HOMER1: variants seen among roughly 807,000 people sequenced by gnomAD.
HOMER1 encodes the protein homer protein homolog 1.
Under a neutral mutation model 48.9 loss-of-function variants are expected in HOMER1, and 3 were observed. That is an observed-to-expected ratio of 0.06 (90% CI 0.03 to 0.16). The LOEUF is 0.16. Ranked by LOEUF, HOMER1 falls within the 10% of genes least tolerant of loss-of-function variation. The pLI is 1.00. For synonymous variants in HOMER1, 134 were observed against 146.4 expected (o/e 0.92, Z 0.61); for missense variants, 247 against 411.4 (o/e 0.60, Z 3.46).
intron 1 of HOMER1, among the ~76,000 whole-genome samples, chr5:79,461,008 A>T (rs1176292134): frequency 6.6e-6 from 1 of 152,284 alleles, no homozygotes; most frequent in East Asian, 1.9e-4. Flanking sequence ...TCAGATGCCT[A>T]CAGGGTTTGG....
chr5:79,494,649 A>G (rs937984962), intron 1 of HOMER1, among the ~76,000 whole-genome samples: 1 of 152,142 alleles, frequency 6.6e-6, no homozygotes, highest in African/African-American at 2.4e-5. Context: ...CGGGTGGAAC[A>G]CTTGAGGTCA....
chr5:79,513,022 G>A lies in HOMER1; in HGVS notation c.-248C>T. ...ATTCGAGTTAAAATGCTTTGCGGAG[G>A]AGACAGCGATCAACTCTATTCCACA... is the stretch of plus-strand genomic sequence containing the variant. On this transcript the variant is annotated 5_prime_UTR_variant, in exon 1 of 9. Coordinates refer to ENST00000334082, the MANE Select transcript of HOMER1 (RefSeq NM_004272.5). 1.8e-6 allele frequency: 1 copy of A among 569,170 alleles called. No homozygotes were observed. The highest frequency in any genetic ancestry group is 2.1e-5 in the South Asian group (1 of 47,374). The allele number at this position is 569,170 out of a possible 1,614,324, so 35.3% of individuals were successfully genotyped here.
In HOMER1 at chr5:79,488,930, ATGT is replaced by A. The variant is rs376894843; in HGVS notation, c.5+23837_5+23839del. On this transcript the variant is annotated intron_variant, in intron 1 of 8. Transcript: ENST00000334082. Reference sequence around the variant, plus strand: ...ATGGTAAGCCAAACAGCCTCTTAAAATGTTGTAGACTAAATAGATTCCTGTGGT... The same window carrying A: ...ATGGTAAGCCAAACAGCCTCTTAAAATGTAGACTAAATAGATTCCTGTGGT... 7.5e-4 allele frequency among the ~76,000 whole-genome samples: 114 copies of A among 152,354 alleles called. No homozygotes were observed. The Middle Eastern group carries it at 0.02, about 27-fold the overall frequency.
At chr5:79,429,463 G>T (rs992239997) in intron 5 of HOMER1, among the ~76,000 whole-genome samples, 1 of 152,162 alleles carries the variant, frequency 6.6e-6, no homozygotes, top group East Asian at 1.9e-4. Flanking sequence ...TTTACCATCA[G>T]CTGATTTTTG....
intron 8 of HOMER1, among the ~76,000 whole-genome samples, chr5:79,393,491 T>G (rs1749304601): frequency 3.3e-5 from 5 of 152,220 alleles, no homozygotes; most frequent in Admixed American, 3.3e-4. Flanking sequence ...TAAATGCATG[T>G]GAAAAATTGT....
At chr5:79,423,426 T>G (rs1750158260) in intron 5 of HOMER1, among the ~76,000 whole-genome samples, 1 of 152,188 alleles carries the variant, frequency 6.6e-6, no homozygotes, top group Non-Finnish European at 1.5e-5. Context: ...AATTTTACAT[T>G]ATTGTTGAAA....
In HOMER1 at chr5:79,430,712, G is replaced by A. The variant is rs6867013; in HGVS notation, c.527+8298C>T. Among the ~76,000 whole-genome samples the A allele has an allele frequency of 5.1e-3, 773 of 152,248 alleles. 7 individuals carry two copies. Among genetic ancestry groups the A allele is most frequent in the African/African-American group, 0.018 (730 of 41,558 alleles). ...CTAGCACTTTGGGAGGCCGAGGCGG[G>A]TGGATCACGAGGTCAAGAGATCGAG... On this transcript the variant is annotated intron_variant, in intron 5 of 8. Transcript: ENST00000334082.
chr5:79,431,685 A>G (rs1448920897), intron 5 of HOMER1, among the ~76,000 whole-genome samples: 1 of 152,190 alleles, frequency 6.6e-6, no homozygotes, highest in African/African-American at 2.4e-5. Flanking sequence ...AAAATTAACA[A>G]TTTTGTCAAC....
chr5:79,512,876 C>A lies in HOMER1; in HGVS notation c.-102G>T. On this transcript the variant is annotated 5_prime_UTR_variant, in exon 1 of 9. Transcript: ENST00000334082. ...CTATTTCGCAGTTGCTTTTCCACCC[C>A]CACCCCCAGATCCTTGTCCGGAGGT... 2 of 1,059,100 alleles carry A rather than the reference C, an allele frequency of 1.9e-6. No individual in the cohort carries two copies. The highest frequency in any genetic ancestry group is 2.9e-6 in the Non-Finnish European group (2 of 680,410). The allele number at this position is 1,059,100 out of a possible 1,614,324, so 65.6% of individuals were successfully genotyped here.
intron 5 of HOMER1, among the ~76,000 whole-genome samples, chr5:79,428,363 T>C (rs905063748): frequency 6.6e-6 from 1 of 152,140 alleles, no homozygotes; most frequent in Non-Finnish European, 1.5e-5. Context: ...GACTCAACGC[T>C]TTCCTTCTAT....
intron 5 of HOMER1, among the ~76,000 whole-genome samples, chr5:79,409,664 T>C (rs994314875): frequency 6.6e-5 from 10 of 152,238 alleles, no homozygotes; most frequent in African/African-American, 1.9e-4. Flanking sequence ...CTAGAATATA[T>C]AAATAACTCC....
chr5:79,470,392 C>T (rs1254535499), intron 1 of HOMER1, among the ~76,000 whole-genome samples: 1 of 152,096 alleles, frequency 6.6e-6, no homozygotes, highest in Non-Finnish European at 1.5e-5. Context: ...CATTTTCTTC[C>T]CCCTGCAGAT....
chr5:79,403,953 CTCTTT>C (rs1749595843), intron 5 of HOMER1, among the ~76,000 whole-genome samples: 1 of 152,138 alleles, frequency 6.6e-6, no homozygotes, highest in Non-Finnish European at 1.5e-5. Flanking sequence ...AAAAGGAAAG[CTCTTT>C]TCTTATTCTT....
At chr5:79,423,917 A>C (rs1433787212) in intron 5 of HOMER1, among the ~76,000 whole-genome samples, 1 of 152,126 alleles carries the variant, frequency 6.6e-6, no homozygotes, top group African/African-American at 2.4e-5. Context: ...GATGGTAGGA[A>C]TGTCATATTT....
At chr5:79,484,488 G>T (rs183934238) in intron 1 of HOMER1, among the ~76,000 whole-genome samples, 19 of 152,196 alleles carry the variant, frequency 1.2e-4, no homozygotes, top group Admixed American at 1.2e-3. Context: ...CTACCTGGGA[G>T]GCTGAGGTGA....
At position 79,447,068 on chromosome 5, in the gene HOMER1, G is replaced by T; in HGVS notation, c.372C>A (p.Thr124=). The T allele has an allele frequency of 6.2e-7, 1 of 1,601,056 alleles. No homozygotes were observed. Among genetic ancestry groups the T allele is most frequent in the Non-Finnish European group, 8.6e-7 (1 of 1,168,222 alleles). The change falls in exon 4 of 9, where the codon ACC becomes ACA. Residue 124 remains threonine, a synonymous_variant. Transcript: ENST00000334082. ...KEKSQEKMEL[T]STPSQESAGG... ...ATATACCCACCTGTGAAGGTGTACT[G>T]GTAAGTTCCATCTTCTCTTGTGATT...
chr5:79,404,465 T>G (rs533439745), intron 5 of HOMER1, among the ~76,000 whole-genome samples: 25 of 152,302 alleles, frequency 1.6e-4, no homozygotes, highest in African/African-American at 6.0e-4. Context: ...ATATGTCAAA[T>G]AAATAGATCA....
intron 8 of HOMER1, among the ~76,000 whole-genome samples, chr5:79,379,469 T>A (rs1407535353): frequency 1.7e-5 from 2 of 114,720 alleles, no homozygotes; most frequent in Non-Finnish European, 3.5e-5. Context: ...ATATATATTT[T>A]ATATATAAAT....
At chr5:79,469,200 G>C (rs1480502929) in intron 1 of HOMER1, among the ~76,000 whole-genome samples, 1 of 152,206 alleles carries the variant, frequency 6.6e-6, no homozygotes, top group Admixed American at 6.5e-5. Context: ...GGAGGAGTAA[G>C]TAAATGCATG....
Sources: gnomAD v4.1 joint callset for allele counts (sites outside exome capture counted in the v4.1 genomes callset) on GRCh38, gnomAD v4.1.1 for gene constraint, MANE v1.5 for transcripts, NCBI Gene and HGNC (gene_info 2026-07-23, HGNC 2026-07-21) for gene names.